The following TMCC1 variants were observed in gnomAD, a reference collection of about 807,000 sequenced individuals.
The protein encoded by TMCC1 is transmembrane and coiled-coil domains protein 1.
Under a neutral mutation model 52.4 loss-of-function variants are expected in TMCC1, and 15 were observed. That is an observed-to-expected ratio of 0.29 (90% CI 0.19 to 0.44). The LOEUF (loss-of-function observed/expected upper bound fraction) is 0.44, where lower values mean the gene tolerates loss of function less well. Ranked by LOEUF, TMCC1 falls within the 20% of genes least tolerant of loss-of-function variation. TMCC1 has a pLI of 1.00. For missense variants in TMCC1, 503 were observed against 806.0 expected (o/e 0.62, Z 4.55); for synonymous variants, 279 against 301.9 (o/e 0.92, Z 0.79).
chr3:129,821,277 G>T (rs73206264), intron 4 of TMCC1, among the ~76,000 whole-genome samples: 7,487 of 152,194 alleles, frequency 0.049, 278 homozygotes, highest in Non-Finnish European at 0.073. Flanking sequence ...CCATGAACTA[G>T]CTCTCTGGTC....
Position 129,670,941 on chromosome 3 carries a change from C to T in TMCC1, c.900G>A (p.Glu300=), listed in dbSNP as rs2087882346. ...QTILQLQKKL[E]HYHRKLREVE... The stretch of plus-strand genomic sequence containing the variant: ...CCTCTCTGAGCTTCCTGTGGTAGTG[C>T]TCAAGTTTCTTTTGCAGCTGGAGGA... The change falls in exon 5 of 7, where the codon GAG becomes GAA. Residue 300 remains glutamate, a synonymous_variant. Transcript: ENST00000393238. The T allele has an allele frequency of 1.2e-6, 2 of 1,614,204 alleles. No homozygotes were observed. The highest frequency in any genetic ancestry group is 8.5e-7 in the Non-Finnish European group (1 of 1,180,044).
rs772705375 is a variant in TMCC1 at position 129,828,372 on chromosome 3, G to T, written c.7C>A (p.Pro3Thr). The change falls in exon 4 of 7, where the codon CCT (proline) becomes ACT (threonine). Residue 3 changes from proline to threonine, a missense_variant. This residue lies in a region of TMCC1 where 217 missense variants were observed against 297.9 expected (regional missense o/e 0.73). Coordinates refer to ENST00000393238, the MANE Select transcript of TMCC1 (RefSeq NM_001017395.5). This position sits in a 1 kb window ranked among gnomAD's most constrained non-coding sequence, Gnocchi z 4.1. Reference protein sequence around the residue: MEPSGSEQLFEDP... With the variant: METSGSEQLFEDP... ...TCAAATAACTGTTCACTGCCCGAAG[G>T]CTCCATCAGTAGACTTAATATGCTT... The T allele has an allele frequency of 1.2e-6, 2 of 1,613,348 alleles. No homozygotes were observed. Among genetic ancestry groups the T allele is most frequent in the Non-Finnish European group, 1.7e-6 (2 of 1,179,748 alleles).
intron 4 of TMCC1, among the ~76,000 whole-genome samples, chr3:129,820,219 G>A (rs2058350586): frequency 6.6e-6 from 1 of 151,224 alleles, no homozygotes; most frequent in Non-Finnish European, 1.5e-5. Flanking sequence ...CTTACCAATT[G>A]TGTAAACATG....
chr3:129,675,029 G>A (rs1248700822), intron 4 of TMCC1, among the ~76,000 whole-genome samples: 1 of 152,022 alleles, frequency 6.6e-6, no homozygotes, highest in Non-Finnish European at 1.5e-5. Context: ...TAGTAGAGAC[G>A]GGGTTTCACC....
intron 5 of TMCC1, chr3:129,656,629 G>A (rs1208126654): frequency 2.0e-5 from 3 of 152,064 alleles, no homozygotes; most frequent in Non-Finnish European, 2.9e-5. Flanking sequence ...TAAGAAACAA[G>A]GATTTTTTTA....
chr3:129,839,863 TGA>T (rs1553887388), intron 2 of TMCC1, among the ~76,000 whole-genome samples: 2 of 150,346 alleles, frequency 1.3e-5, no homozygotes, highest in Non-Finnish European at 3.0e-5. Flanking sequence ...CCAGCCTGGG[TGA>T]GAGAGAGACC....
At chr3:129,824,768 A>G (rs1322907808) in intron 4 of TMCC1, among the ~76,000 whole-genome samples, 1 of 152,230 alleles carries the variant, frequency 6.6e-6, no homozygotes, top group East Asian at 1.9e-4. Flanking sequence ...TTCTCTTCAT[A>G]GTAGGTGTCA....
chr3:129,838,514 G>C (rs965338227), intron 2 of TMCC1, among the ~76,000 whole-genome samples: 2 of 152,104 alleles, frequency 1.3e-5, no homozygotes, highest in African/African-American at 4.8e-5. Flanking sequence ...CAACACTTTG[G>C]GAGGCCGAGA....
chr3:129,825,017 A>G (rs938420275), intron 4 of TMCC1, among the ~76,000 whole-genome samples: 5 of 152,216 alleles, frequency 3.3e-5, no homozygotes, highest in Admixed American at 3.3e-4. Flanking sequence ...TGCTCAAGCT[A>G]GCCCACATCC....
intron 2 of TMCC1, among the ~76,000 whole-genome samples, chr3:129,858,472 G>C (rs1393183110): frequency 6.6e-6 from 1 of 152,118 alleles, no homozygotes; most frequent in Non-Finnish European, 1.5e-5. Flanking sequence ...CTGGACTCTA[G>C]TCATCCTCCC....
chr3:129,702,535 G>A (rs1198603040), intron 4 of TMCC1, among the ~76,000 whole-genome samples: 1 of 152,118 alleles, frequency 6.6e-6, no homozygotes, highest in Non-Finnish European at 1.5e-5. Context: ...TAAAAATGCT[G>A]TTTACCATAG....
intron 4 of TMCC1, among the ~76,000 whole-genome samples, chr3:129,730,773 C>G (rs1436600018): frequency 1.3e-5 from 2 of 152,194 alleles, no homozygotes; most frequent in Non-Finnish European, 2.9e-5. Context: ...CATAAATCAA[C>G]AGTTTACATG....
chr3:129,742,719 A>G (rs1184665738), intron 4 of TMCC1, among the ~76,000 whole-genome samples: 2 of 152,338 alleles, frequency 1.3e-5, no homozygotes, highest in Admixed American at 1.3e-4. Flanking sequence ...AGATATTCAC[A>G]GCAGCGTTAT....
chr3:129,672,778 C>T (rs1379032185), intron 4 of TMCC1, among the ~76,000 whole-genome samples: 1 of 152,150 alleles, frequency 6.6e-6, no homozygotes, highest in Non-Finnish European at 1.5e-5. Flanking sequence ...GAACTATATA[C>T]AAGATCACCT....
intron 5 of TMCC1, among the ~76,000 whole-genome samples, chr3:129,663,845 C>T (rs2087237538): frequency 6.6e-6 from 1 of 152,128 alleles, no homozygotes; most frequent in South Asian, 2.1e-4. Context: ...CTACTCTAAA[C>T]CAAACATCAC....
chr3:129,842,685 A>T (rs2059475093), intron 2 of TMCC1, among the ~76,000 whole-genome samples: 1 of 152,194 alleles, frequency 6.6e-6, no homozygotes, highest in African/African-American at 2.4e-5. Context: ...ATAAATAAAA[A>T]TACAAAGTAC....
chr3:129,735,867 T>A (rs1346428855), intron 4 of TMCC1, among the ~76,000 whole-genome samples: 1 of 152,180 alleles, frequency 6.6e-6, no homozygotes, highest in South Asian at 2.1e-4. Flanking sequence ...ATTTGGCACA[T>A]CTTGCAGCCT....
intron 4 of TMCC1, among the ~76,000 whole-genome samples, chr3:129,712,508 C>T (rs901553732): frequency 1.3e-5 from 2 of 152,148 alleles, no homozygotes; most frequent in South Asian, 4.2e-4. Context: ...AGTGCAGTGG[C>T]ACAATCACCA....
intron 4 of TMCC1, among the ~76,000 whole-genome samples, chr3:129,756,146 A>G (rs1328832884): frequency 6.6e-6 from 1 of 151,978 alleles, no homozygotes; most frequent in Non-Finnish European, 1.5e-5. Flanking sequence ...AGAAACTGAC[A>G]TACTGTCTTC....
Sources: allele counts gnomAD v4.1 joint callset (sites outside exome capture counted in the v4.1 genomes callset), GRCh38; gene constraint gnomAD v4.1.1; regional missense constraint gnomAD v4.1.1; non-coding constraint Gnocchi (gnomAD v3.1); transcripts MANE v1.5; gene names NCBI Gene and HGNC (gene_info 2026-07-23, HGNC 2026-07-21).